The following EPB41L5 variants were observed in gnomAD, a reference collection of about 807,000 sequenced individuals.
The protein encoded by EPB41L5 is erythrocyte membrane protein band 4.1 like 5, also known as band 4.1-like protein 5.
A neutral mutation model predicts 106.6 loss-of-function variants in EPB41L5; 55 were observed. The ratio of observed to expected loss-of-function variants is 0.52; its 90% CI spans 0.42 to 0.65. The LOEUF is 0.65. Among genes scored for constraint, EPB41L5 ranks in the 30% least tolerant of loss-of-function variants. EPB41L5 has a pLI of 0.00. For missense variants in EPB41L5, 871 were observed against 882.1 expected (o/e 0.99, Z 0.16); for synonymous variants, 297 against 306.7 (o/e 0.97, Z 0.33).
chr2:120,038,747 G>GT (rs1261137578), intron 2 of EPB41L5, among the ~76,000 whole-genome samples: 6 of 152,068 alleles, frequency 3.9e-5, no homozygotes, highest in African/African-American at 1.4e-4. Context: ...GAGTGAGACT[G>GT]TATCTCAGAA....
rs1248128695 is a variant in EPB41L5 at position 120,073,248 on chromosome 2, G to A, written c.328+28G>A. The stretch of plus-strand genomic sequence containing the variant: ...AAGTGCAGACAAAATTATTTGTGGG[G>A]GGGAAAGGAAATAGAATATATTAGA... On this transcript the variant is annotated intron_variant, in intron 4 of 24. Transcript: ENST00000263713. 3.2e-6 allele frequency: 5 copies of A among 1,544,708 alleles called. No individual in the cohort carries two copies. In the Middle Eastern group the frequency reaches 7.4e-4, roughly 228 times the overall value.
At chr2:120,081,076 G>GA (rs1381565954) in intron 10 of EPB41L5, among the ~76,000 whole-genome samples, 15 of 152,072 alleles carry the variant, frequency 9.9e-5, no homozygotes, top group African/African-American at 3.6e-4. Flanking sequence ...TCACTCTGAT[G>GA]TAGTTTCTTT....
chr2:120,104,651 G>A (rs1684344724), intron 16 of EPB41L5: 1 of 986,688 alleles, frequency 1.0e-6, no homozygotes, highest in Non-Finnish European at 1.2e-6. Flanking sequence ...AGCATGTCTA[G>A]GCATAATATA....
chr2:120,030,491 G>C (rs1226100098), intron 2 of EPB41L5, among the ~76,000 whole-genome samples: 1 of 152,138 alleles, frequency 6.6e-6, no homozygotes, highest in Non-Finnish European at 1.5e-5. Flanking sequence ...TGACCCCTAT[G>C]ATTCCATCTT....
At chr2:120,138,385 A>G (rs1686024621) in intron 18 of EPB41L5, among the ~76,000 whole-genome samples, 1 of 152,066 alleles carries the variant, frequency 6.6e-6, no homozygotes, top group Non-Finnish European at 1.5e-5. Flanking sequence ...GGGCATCTAA[A>G]TTGGAAAGGA....
At chr2:120,013,880 G>A (rs376928044) in intron 1 of EPB41L5, among the ~76,000 whole-genome samples, 3 of 152,150 alleles carry the variant, frequency 2.0e-5, no homozygotes, top group Non-Finnish European at 2.9e-5. Flanking sequence ...AAAGAATTAC[G>A]GGGAAAATTC....
intron 2 of EPB41L5, among the ~76,000 whole-genome samples, chr2:120,028,064 A>G (rs891111712): frequency 1.3e-5 from 2 of 151,894 alleles, no homozygotes; most frequent in East Asian, 1.9e-4. Context: ...GGGTTTCACC[A>G]TATTGGCCAG....
intron 11 of EPB41L5, among the ~76,000 whole-genome samples, chr2:120,088,213 A>G (rs982555971): frequency 5.9e-5 from 9 of 152,150 alleles, no homozygotes; most frequent in Admixed American, 3.3e-4. Flanking sequence ...TTTGACTGCT[A>G]TACTTTTCCT....
chr2:120,013,768 T>A (rs952208841), intron 1 of EPB41L5: 5 of 152,230 alleles, frequency 3.3e-5, no homozygotes, highest in African/African-American at 9.6e-5. Flanking sequence ...TTCTTTGGTG[T>A]GTAAATGTTA....
intron 20 of EPB41L5, among the ~76,000 whole-genome samples, chr2:120,157,305 T>G (rs990907399): frequency 6.6e-6 from 1 of 152,012 alleles, no homozygotes. Flanking sequence ...AGAGGGAAAT[T>G]TATAGCACTA....
intron 2 of EPB41L5, among the ~76,000 whole-genome samples, chr2:120,036,017 T>G (rs1446401523): frequency 6.6e-6 from 1 of 152,186 alleles, no homozygotes; most frequent in African/African-American, 2.4e-5. Context: ...GCAGTTTGGA[T>G]GGAGGTCTTA....
chr2:120,061,572 G>C (rs1400634209), intron 3 of EPB41L5, among the ~76,000 whole-genome samples: 2 of 151,348 alleles, frequency 1.3e-5, no homozygotes, highest in African/African-American at 4.9e-5. Flanking sequence ...GGCTGGTCTC[G>C]AGTTCTTGAC....
Position 120,019,241 on chromosome 2 carries a change from A to G in EPB41L5, c.157A>G (p.Thr53Ala), listed in dbSNP as rs758397497. 2.3e-5 allele frequency: 37 copies of G among 1,611,990 alleles called. No homozygotes were observed. The highest frequency in any genetic ancestry group is 2.7e-5 in the African/African-American group (2 of 74,632). The part of the protein sequence containing the change: ...ITCRVSLLDG[T>A]DVSVDLPKKA... ...GTGTCGGGTGTCCCTTCTGGATGGT[A>G]CTGATGTTAGTGTGGACTTGCCAGT... Residue 53 changes from threonine to alanine, a missense_variant, in exon 2 of 25, where the codon ACT becomes GCT. By Grantham distance (58) the Thr-to-Ala change is moderately conservative. Transcript: ENST00000263713.
Position 120,160,914 on chromosome 2 carries a change from C to A in EPB41L5, c.1827C>A (p.Pro609=). 6.2e-7 allele frequency: 1 copy of A among 1,613,640 alleles called. No homozygotes were observed. The highest frequency in any genetic ancestry group is 8.5e-7 in the Non-Finnish European group (1 of 1,179,586). The part of the protein sequence containing the change: ...AVLNENNVPL[P]KESLETLMLI... Reference sequence around the variant, plus strand: ...TAAATGAGAATAATGTGCCCCTCCCCAAAGAGTCTCTTGAGACTCTGATGC... The same window carrying A: ...TAAATGAGAATAATGTGCCCCTCCCAAAAGAGTCTCTTGAGACTCTGATGC... Residue 609 remains proline, a synonymous_variant, in exon 21 of 25, where the codon CCC becomes CCA. Transcript: ENST00000263713.
rs1558903429 is a variant in EPB41L5 at position 120,143,147 on chromosome 2, T to TA, written c.1728+17dup. On this transcript the variant is annotated intron_variant, in intron 19 of 24. Transcript: ENST00000263713. Reference sequence around the variant, plus strand: ...AGTGCATAAGGTAAGCTGCCTTTGATAGATAGCCCTGGTGAAGTGAAATGA... The same window carrying TA: ...AGTGCATAAGGTAAGCTGCCTTTGATAAGATAGCCCTGGTGAAGTGAAATGA... 6 of 1,559,706 alleles carry TA rather than the reference T, an allele frequency of 3.8e-6. No homozygotes were observed. The highest frequency in any genetic ancestry group is 2.0e-5 in the Admixed American group (1 of 49,830).
intron 18 of EPB41L5, among the ~76,000 whole-genome samples, chr2:120,134,418 G>T (rs552690196): frequency 5.9e-5 from 9 of 152,054 alleles, no homozygotes; most frequent in Non-Finnish European, 1.3e-4. Context: ...ACTTGCTGAC[G>T]GAAGAACCTT....
intron 20 of EPB41L5, among the ~76,000 whole-genome samples, chr2:120,151,369 G>T (rs1686666125): frequency 6.6e-6 from 1 of 152,064 alleles, no homozygotes; most frequent in South Asian, 2.1e-4. Flanking sequence ...CACAGTTGCA[G>T]AATACAAGAT....
At chr2:120,168,131 C>T in intron 24 of EPB41L5, 124 bp downstream of exon 24, 1 of 1,116,344 alleles carries the variant, frequency 9.0e-7, no homozygotes, top group South Asian at 1.9e-5. Flanking sequence ...TGAAATGGGG[C>T]AAATCTTTTT....
chr2:120,142,958 T>TA, intron 18 of EPB41L5, 45 bp from the exon 19 acceptor site: 2 of 1,544,780 alleles, frequency 1.3e-6, no homozygotes, highest in Non-Finnish European at 1.8e-6. Flanking sequence ...TCCATATAAC[T>TA]ATAGTGCATC....
Sources: gnomAD v4.1 joint callset for allele counts (sites outside exome capture counted in the v4.1 genomes callset) on GRCh38, gnomAD v4.1.1 for gene constraint, MANE v1.5 for transcripts, NCBI Gene and HGNC (gene_info 2026-07-23, HGNC 2026-07-21) for gene names.